Variants in SHPRH observed in about 807,000 individuals in gnomAD.
SHPRH encodes SNF2 histone linker PHD RING helicase.
A neutral mutation model predicts 202.5 loss-of-function variants in SHPRH; 106 were observed. The ratio of observed to expected loss-of-function variants is 0.52; its 90% CI spans 0.45 to 0.62. The LOEUF (loss-of-function observed/expected upper bound fraction) is 0.62, where lower values mean the gene tolerates loss of function less well. Among genes scored for constraint, SHPRH ranks in the 20% least tolerant of loss-of-function variants. The pLI is 0.00. For synonymous variants in SHPRH, 729 were observed against 686.0 expected (o/e 1.06, Z -0.98); for missense variants, 1,710 against 2,020.0 (o/e 0.85, Z 2.94).
Position 145,895,035 on chromosome 6 carries a change from T to G in SHPRH, c.4516-58A>C, listed in dbSNP as rs1490735468. 1.1e-5 allele frequency: 16 copies of G among 1,503,952 alleles called. No homozygotes were observed. The Admixed American group carries it at 2.4e-4, about 22-fold the overall frequency. The allele number at this position is 1,503,952 out of a possible 1,614,324, so 93.2% of individuals were successfully genotyped here. On this transcript the variant is annotated intron_variant, in intron 25 of 29. Coordinates refer to ENST00000275233, the MANE Select transcript of SHPRH (RefSeq NM_001042683.3). The stretch of plus-strand genomic sequence containing the variant: ...CTAAAAAATCTAGTTAAGAACAGAA[T>G]AGAAAAGCAATACAAAGTACTTTTT...
chr6:145,884,098 C>T (rs958044120), downstream of SHPRH: 2 of 152,112 alleles, frequency 1.3e-5, no homozygotes, highest in Non-Finnish European at 2.9e-5. Context: ...GGTGATTAAC[C>T]TTGCATTGTT....
Position 145,943,245 on chromosome 6 carries a change from T to G in SHPRH, c.2136A>C (p.Pro712=). ...TGATCAGAGTTGCTCTTGTTGACAC[T>G]GGTTCCATTGCAACAAGGCAGTGGG... The part of the protein sequence containing the change: ...YCPHCLVAME[P]VSTRATLIIS... Residue 712 remains proline (P), a synonymous_variant, in exon 9 of 30, where the codon CCA becomes CCC. Coordinates refer to ENST00000275233, the MANE Select transcript of SHPRH (RefSeq NM_001042683.3). 1.2e-6 allele frequency: 2 copies of G among 1,613,826 alleles called. No homozygotes were observed. Among genetic ancestry groups the G allele is most frequent in the Non-Finnish European group, 1.7e-6 (2 of 1,179,898 alleles).
chr6:145,893,090 TGTA>T (rs1361988176), intron 28 of SHPRH, 122 bp downstream of exon 28: 21 of 612,916 alleles, frequency 3.4e-5, no homozygotes, highest in Middle Eastern at 4.2e-4. Flanking sequence ...AATTAAAAAA[TGTA>T]GTATCTAAGG....
intron 1 of SHPRH, 124 bp downstream of exon 1, chr6:145,963,607 G>A (rs117100009): frequency 0.027 from 4,114 of 152,332 alleles, 80 homozygotes; most frequent in Middle Eastern, 0.041. Flanking sequence ...AGGTAACGGA[G>A]AACTTTGAGT....
chr6:145,899,479 G>GT (rs1304391464), intron 25 of SHPRH, among the ~76,000 whole-genome samples: 1 of 152,006 alleles, frequency 6.6e-6, no homozygotes, highest in Non-Finnish European at 1.5e-5. Flanking sequence ...GAAAAAACTA[G>GT]TTATCCACAT....
At chr6:145,932,387 A>C (rs1395267843) in intron 14 of SHPRH, among the ~76,000 whole-genome samples, 1 of 152,210 alleles carries the variant, frequency 6.6e-6, no homozygotes, top group African/African-American at 2.4e-5. Flanking sequence ...ATGCAAAAAA[A>C]GTGATCCGTG....
intron 1 of SHPRH, 149 bp from the exon 2 acceptor site, chr6:145,955,503 C>T (rs1788417746): frequency 1.5e-6 from 1 of 667,248 alleles, no homozygotes; most frequent in Non-Finnish European, 2.4e-6. Flanking sequence ...ATTTTTTTAC[C>T]AGGTCATTAT....
rs968080557 is a variant in SHPRH at position 145,885,736 on chromosome 6, C to T, written c.*955G>A. 2.0e-5 allele frequency: 3 copies of T among 151,896 alleles called. No homozygotes were observed. Among genetic ancestry groups the T allele is most frequent in the Non-Finnish European group, 2.9e-5 (2 of 67,968 alleles). 9.4% of individuals were successfully genotyped at this position (151,896 alleles called of 1,614,324 possible). On this transcript the variant is annotated 3_prime_UTR_variant, in exon 30 of 30. Transcript: ENST00000275233. ...CAAAGACTCGTGCTTAAGGGAGGAA[C>T]AACTGGAGTGAAATAACAACTCTAC...
At chr6:145,955,445 C>T (rs552976483) in intron 1 of SHPRH, 91 bp from the exon 2 acceptor site, 9 of 1,237,684 alleles carry the variant, frequency 7.3e-6, no homozygotes, top group East Asian at 2.4e-5. Flanking sequence ...AAATTCATAG[C>T]CCATAAACAT....
chr6:145,876,259 G>GCTA (rs34933905), intron 2 of SHPRH, among the ~76,000 whole-genome samples: 32,576 of 151,982 alleles, frequency 0.21, 4,302 homozygotes, highest in South Asian at 0.35. Flanking sequence ...TGTAGTCCCA[G>GCTA]CTACTTGAGG....
At chr6:145,918,030 T>C in intron 23 of SHPRH, 101 bp downstream of exon 23, 1 of 795,496 alleles carries the variant, frequency 1.3e-6, no homozygotes. Flanking sequence ...TAACACCAAA[T>C]ACTAATTACA....
Position 145,870,259 on chromosome 6 carries a change from A to ATTTTTTTTTTTTTTTTTTTTTT in SHPRH, c.222-5769_222-5768insAAAAAAAAAAAAAAAAAAAAAA, listed in dbSNP as rs146513776. Among the ~76,000 whole-genome samples the ATTTTTTTTTTTTTTTTTTTTTT allele has an allele frequency of 5.6e-5, 6 of 107,738 alleles. 1 individual carries two copies. In the East Asian group the frequency reaches 1.4e-3, roughly 24 times the overall value. The allele number at this position is 107,738 out of a possible 152,430, so 70.7% of individuals were successfully genotyped here. On this transcript the variant is annotated intron_variant, in intron 2 of 2. Transcript: ENST00000417762. ...AGGGTTTTTTTGTCAATCGTTTCAGATTTTTTTTTTTTTTTTTTTTGAGAT... is the reference window on the plus strand; with the variant it reads ...AGGGTTTTTTTGTCAATCGTTTCAGATTTTTTTTTTTTTTTTTTTTTTTTTTTTTTTTTTTTTTTTTTGAGAT...
intron 18 of SHPRH, among the ~76,000 whole-genome samples, 199 bp from the exon 19 acceptor site, chr6:145,923,035 C>A (rs543138754): frequency 2.0e-5 from 3 of 149,754 alleles, no homozygotes; most frequent in Admixed American, 6.7e-5. Flanking sequence ...GTAAAAGATA[C>A]CAAAAAAATT....
rs375779120 is a variant in SHPRH at position 145,935,367 on chromosome 6, G to A, written c.2644C>T (p.Arg882Trp). 3.7e-5 allele frequency: 60 copies of A among 1,613,838 alleles called. No homozygotes were observed. The highest frequency in any genetic ancestry group is 4.8e-5 in the Non-Finnish European group (57 of 1,179,978). Residue 882 changes from arginine to tryptophan, a missense_variant, in exon 12 of 30, where the codon CGG (arginine) becomes TGG (tryptophan). Physicochemically the swap from Arg to Trp is moderately radical, Grantham distance 101. This residue lies in a region of SHPRH where 277 missense variants were observed against 363.0 expected (regional missense o/e 0.76). Transcript: ENST00000275233. ...TGAGGATTCTTCTTGCAGTAAGGCC[G>A]ATAGAGAAGTCGAACCCACCAGTGT... ...VKHWWVRLLY[R>W]PYCKKNPQHL...
At chr6:145,894,863 A>G (rs369051748) in intron 26 of SHPRH, 22 bp downstream of exon 26, 102 of 1,605,844 alleles carry the variant, frequency 6.4e-5, no homozygotes, top group Non-Finnish European at 8.4e-5. Context: ...ATTAATATTG[A>G]GGATGAAAAT....
At position 145,935,366 on chromosome 6, in the gene SHPRH, C is replaced by T. The variant is rs749383610; in HGVS notation, c.2645G>A (p.Arg882Gln). Residue 882 changes from arginine (R) to glutamine (Q), a missense_variant, in exon 12 of 30, where the codon CGG becomes CAG. Physicochemically the swap from Arg to Gln is conservative, Grantham distance 43. Transcript: ENST00000275233. ...CTGAGGATTCTTCTTGCAGTAAGGC[C>T]GATAGAGAAGTCGAACCCACCAGTG... is the stretch of plus-strand genomic sequence containing the variant. ...VKHWWVRLLYRPYCKKNPQHL... is the reference protein window; with the variant it reads ...VKHWWVRLLYQPYCKKNPQHL... 3.2e-5 allele frequency: 51 copies of T among 1,613,648 alleles called. No individual in the cohort carries two copies. The highest frequency in any genetic ancestry group is 8.0e-5 in the African/African-American group (6 of 74,806).
intron 13 of SHPRH, among the ~76,000 whole-genome samples, chr6:145,934,363 G>A (rs1377999311): frequency 6.6e-6 from 1 of 151,960 alleles, no homozygotes; most frequent in Non-Finnish European, 1.5e-5. Context: ...GTACTTGGAG[G>A]GGTGGGGCAG....
chr6:145,918,400 GATTT>G, intron 22 of SHPRH, 168 bp from the exon 23 acceptor site: 1 of 365,760 alleles, frequency 2.7e-6, no homozygotes, highest in Admixed American at 4.8e-5. Context: ...TATTTCAAAT[GATTT>G]TTTTTTTTTT....
chr6:145,914,588 A>AT lies in SHPRH; in HGVS notation c.4255-1040dup, dbSNP rs571681862. On this transcript the variant is annotated intron_variant, in intron 23 of 29. Coordinates refer to ENST00000275233, the MANE Select transcript of SHPRH (RefSeq NM_001042683.3). ...CTTACGAAAAAAGGCAGCGGGCTGA[A>AT]TTTTTCCCATGCATGGTAATTTGCA... Among the ~76,000 whole-genome samples the AT allele has an allele frequency of 1.1e-4, 16 of 152,262 alleles. No individual in the cohort carries two copies. The East Asian group carries it at 3.1e-3, about 29-fold the overall frequency.
Sources: gnomAD v4.1 joint callset for allele counts (sites outside exome capture counted in the v4.1 genomes callset) on GRCh38, gnomAD v4.1.1 for gene constraint, gnomAD v4.1.1 regional missense constraint, MANE v1.5 for transcripts, NCBI Gene and HGNC (gene_info 2026-07-23, HGNC 2026-07-21) for gene names.